The following ALDH5A1 variants were observed in gnomAD, a reference collection of about 807,000 sequenced individuals.
ALDH5A1 encodes the protein aldehyde dehydrogenase 5 family member A1.
Under a neutral mutation model 54.7 loss-of-function variants are expected in ALDH5A1, and 33 were observed. The ratio of observed to expected loss-of-function variants is 0.60; its 90% CI spans 0.46 to 0.81. The LOEUF (loss-of-function observed/expected upper bound fraction) is 0.81. ALDH5A1 is among the 30% of genes least tolerant of loss of function. The pLI, the probability that ALDH5A1 is intolerant of heterozygous loss-of-function variation, is 0.00. For missense variants in ALDH5A1, 657 were observed against 711.0 expected, an observed-to-expected ratio of 0.92 and a Z score of 0.86; for synonymous variants, 294 against 292.7, an observed-to-expected ratio of 1.00 and a Z score of -0.05.
chr6:24,504,579 TA>T (rs1047145762), intron 3 of ALDH5A1, among the ~76,000 whole-genome samples: 1 of 152,236 alleles, frequency 6.6e-6, no homozygotes, highest in African/African-American at 2.4e-5. Context: ...CTACAAAGCC[TA>T]AAAAATTTAC....
rs1274143137 is a variant in ALDH5A1, at chr6:24,527,935, C to G, written c.1174-62C>G. 6.3e-6 allele frequency: 10 copies of G among 1,578,892 alleles called. 1 individual carries two copies. The highest frequency in any genetic ancestry group is 8.7e-6 in the Non-Finnish European group (10 of 1,150,700). On this transcript the variant is annotated intron_variant, in intron 7 of 9. Coordinates refer to ENST00000357578, the MANE Select transcript of ALDH5A1 (RefSeq NM_001080.3). ...AAATGGAACTAGTTATAGTTTTCTGCAGTTTAAACATTCTAAAAGATTGTA... is the reference window on the plus strand; with the variant it reads ...AAATGGAACTAGTTATAGTTTTCTGGAGTTTAAACATTCTAAAAGATTGTA...
chr6:24,513,652 A>G (rs1208633501), intron 4 of ALDH5A1, among the ~76,000 whole-genome samples: 1 of 151,974 alleles, frequency 6.6e-6, no homozygotes, highest in Non-Finnish European at 1.5e-5. Flanking sequence ...TCCTTATTGC[A>G]GCATCCCATG....
intron 4 of ALDH5A1, among the ~76,000 whole-genome samples, chr6:24,513,566 CT>C (rs1324871601): frequency 1.6e-4 from 25 of 152,228 alleles, no homozygotes; most frequent in Admixed American, 2.6e-4. Flanking sequence ...GCTCCATCCC[CT>C]TCCCCTGTTT....
rs1043947258 is a variant in ALDH5A1 at position 24,495,386 on chromosome 6, C to T, written c.354+36C>T. On this transcript the variant is annotated intron_variant, in intron 1 of 9. Coordinates refer to ENST00000357578, the MANE Select transcript of ALDH5A1 (RefSeq NM_001080.3). ...CCGGATGCAGGGGGCCAGAGCTGGC[C>T]GGGGACACGGCGGGGAGCAGAGGGG... is the stretch of plus-strand genomic sequence containing the variant. 15 of 1,526,470 alleles carry T rather than the reference C, an allele frequency of 9.8e-6. No individual in the cohort carries two copies. In the African/African-American group the frequency reaches 1.4e-4, roughly 14 times the overall value. 94.6% of individuals were successfully genotyped at this position (1,526,470 alleles called of 1,614,324 possible). A position where few individuals can be genotyped will look rare whatever the true frequency, so the allele number is the denominator to read the frequency against.
chr6:24,526,996 A>AC (rs1759824894), intron 7 of ALDH5A1, among the ~76,000 whole-genome samples: 1 of 120,294 alleles, frequency 8.3e-6, no homozygotes. Flanking sequence ...ATATATATAT[A>AC]TATATATATA....
chr6:24,526,974 G>GTATATATATATA (rs58873176), intron 7 of ALDH5A1, among the ~76,000 whole-genome samples: 76 of 30,586 alleles, frequency 2.5e-3, no homozygotes, highest in African/African-American at 6.4e-3. Context: ...ATGTGTGTGT[G>GTATATATATATA]TATATATATA....
chr6:24,495,062 C>T lies in ALDH5A1; in HGVS notation c.66C>T (p.Cys22=). The change falls in exon 1 of 10, where the codon TGC becomes TGT. Residue 22 remains cysteine, a synonymous_variant. Coordinates refer to ENST00000357578, the MANE Select transcript of ALDH5A1 (RefSeq NM_001080.3). ...ARRLGSTFPG[C]RLRPRAGGLV... is the part of the protein sequence containing the mutation. Reference sequence around the variant, plus strand: ...GCCTCGGGTCGACGTTTCCAGGCTGCCGCCTCCGCCCCCGCGCCGGCGGCC... The same window carrying T: ...GCCTCGGGTCGACGTTTCCAGGCTGTCGCCTCCGCCCCCGCGCCGGCGGCC... 1 of 1,340,022 alleles carries T rather than the reference C, an allele frequency of 7.5e-7. No homozygotes were observed. The highest frequency in any genetic ancestry group is 2.2e-5 in the South Asian group (1 of 45,924). 83.0% of individuals were successfully genotyped at this position (1,340,022 alleles called of 1,614,324 possible).
chr6:24,518,753 AT>A lies in ALDH5A1; in HGVS notation c.871-1646del, dbSNP rs1357326631. 6.6e-6 allele frequency among the ~76,000 whole-genome samples: 1 copy of A among 152,152 alleles called. No individual in the cohort carries two copies. Among genetic ancestry groups the A allele is most frequent in the East Asian group, 1.9e-4 (1 of 5,202 alleles). ...CCCACACAGGCCTAGCTTTCCAGCCATTCTGTGTTTTTACCAAGAACCGTGT... is the reference window on the plus strand; with the variant it reads ...CCCACACAGGCCTAGCTTTCCAGCCATCTGTGTTTTTACCAAGAACCGTGT... On this transcript the variant is annotated intron_variant, in intron 5 of 9. Transcript: ENST00000357578. The surrounding 1 kb of genome is among the most constrained non-coding windows in gnomAD (Gnocchi z 4.2).
At chr6:24,517,936 C>T (rs540534323) in intron 5 of ALDH5A1, among the ~76,000 whole-genome samples, 50 of 152,308 alleles carry the variant, frequency 3.3e-4, no homozygotes, top group African/African-American at 1.2e-3. Context: ...CCCAGGACCC[C>T]GCTGAGAGGA....
rs528700035 is a variant in ALDH5A1 at position 24,508,642 on chromosome 6, G to A, written c.726+3657G>A. On this transcript the variant is annotated intron_variant, in intron 4 of 9. Coordinates refer to ENST00000357578, the MANE Select transcript of ALDH5A1 (RefSeq NM_001080.3). The stretch of plus-strand genomic sequence containing the variant: ...TCCTCTGGGTAGATACCCAGTAGTG[G>A]GGTTGCTGGATCAAATGGTAGTTCT... Among the ~76,000 whole-genome samples the A allele has an allele frequency of 5.3e-4, 81 of 152,200 alleles. 2 individuals carry two copies. The East Asian group carries it at 0.011, about 20-fold the overall frequency.
intron 4 of ALDH5A1, among the ~76,000 whole-genome samples, chr6:24,514,018 C>T (rs928922549): frequency 2.0e-5 from 3 of 152,362 alleles, no homozygotes; most frequent in Middle Eastern, 3.4e-3. Flanking sequence ...GACTCACAAA[C>T]TCATCTTCCC....
At chr6:24,512,582 G>A (rs1316499864) in intron 4 of ALDH5A1, among the ~76,000 whole-genome samples, 1 of 152,116 alleles carries the variant, frequency 6.6e-6, no homozygotes, top group Non-Finnish European at 1.5e-5. Flanking sequence ...CTCAGTTCAT[G>A]TTGGTTGTTC....
intron 3 of ALDH5A1, 130 bp from the exon 4 acceptor site, chr6:24,504,739 C>A: frequency 2.2e-6 from 2 of 907,490 alleles, no homozygotes; most frequent in South Asian, 1.3e-5. Flanking sequence ...GAGAGCTCAC[C>A]TGTGCAGCCA....
At chr6:24,522,950 A>T (rs969924453) in intron 7 of ALDH5A1, 25 bp downstream of exon 7, 9 of 1,605,424 alleles carry the variant, frequency 5.6e-6, no homozygotes, top group Non-Finnish European at 7.7e-6. Context: ...TTATTTGTGA[A>T]AGTAAATTTC....
In ALDH5A1 at chr6:24,509,795, A is replaced by G. The variant is rs1005584925; in HGVS notation, c.726+4810A>G. Among the ~76,000 whole-genome samples, 2 of 151,640 alleles carry G rather than the reference A, an allele frequency of 1.3e-5. No individual in the cohort carries two copies. Among genetic ancestry groups the G allele is most frequent in the East Asian group, 1.9e-4 (1 of 5,172 alleles). On this transcript the variant is annotated intron_variant, in intron 4 of 9. Coordinates refer to ENST00000357578, the MANE Select transcript of ALDH5A1 (RefSeq NM_001080.3). The surrounding 1 kb of genome is among the most constrained non-coding windows in gnomAD (Gnocchi z 4.7). Reference sequence around the variant, plus strand: ...ATATTTTGTATTTTTGTTTATTTCTATTTCATTTAGTTCTGCTCTGATCTT... The same window carrying G: ...ATATTTTGTATTTTTGTTTATTTCTGTTTCATTTAGTTCTGCTCTGATCTT...
At chr6:24,497,534 C>T (rs190794390) in intron 1 of ALDH5A1, among the ~76,000 whole-genome samples, 22 of 152,234 alleles carry the variant, frequency 1.4e-4, no homozygotes, top group East Asian at 9.7e-4. Context: ...TTTTACAGGG[C>T]GCTGGTTGGT....
chr6:24,497,438 C>G (rs1041941126), intron 1 of ALDH5A1, among the ~76,000 whole-genome samples: 3 of 148,478 alleles, frequency 2.0e-5, no homozygotes, highest in Non-Finnish European at 4.6e-5. Context: ...CTGATTGGTG[C>G]ATTTTACAAT....
intron 2 of ALDH5A1, among the ~76,000 whole-genome samples, chr6:24,502,931 T>C (rs970825748): frequency 6.6e-6 from 1 of 152,038 alleles, no homozygotes; most frequent in Non-Finnish European, 1.5e-5. Context: ...TTTTGTACAT[T>C]TTTTAATGTA....
chr6:24,530,800 G>T (rs552206522), intron 8 of ALDH5A1, among the ~76,000 whole-genome samples: 1 of 152,230 alleles, frequency 6.6e-6, no homozygotes, highest in South Asian at 2.1e-4. Context: ...CCCCAAGCCA[G>T]CCCTGCTGCT....
Sources: allele counts gnomAD v4.1 joint callset (sites outside exome capture counted in the v4.1 genomes callset), GRCh38; gene constraint gnomAD v4.1.1; non-coding constraint Gnocchi (gnomAD v3.1); transcripts MANE v1.5; gene names NCBI Gene and HGNC (gene_info 2026-07-23, HGNC 2026-07-21).